SIAH3: variants seen among roughly 807,000 people sequenced by gnomAD.
SIAH3 encodes siah E3 ubiquitin protein ligase family member 3.
In SIAH3, 9 loss-of-function variants were observed where a neutral mutation model predicts 12.6. The observed-to-expected ratio is 0.72, with a 90% CI of 0.43 to 1.25. The LOEUF (loss-of-function observed/expected upper bound fraction) is 1.25, where lower values mean the gene tolerates loss of function less well. SIAH3 is among the 50% of genes most tolerant of loss of function. SIAH3 has a pLI of 0.00. For missense variants in SIAH3, 390 were observed against 365.4 expected (o/e 1.07, Z -0.55); for synonymous variants, 154 against 151.1 (o/e 1.02, Z -0.14).
intron 1 of SIAH3, among the ~76,000 whole-genome samples, chr13:45,821,037 G>T (rs1016088458): frequency 2.6e-5 from 4 of 152,184 alleles, no homozygotes; most frequent in African/African-American, 7.2e-5. Flanking sequence ...CTCCCAAAAA[G>T]ATGTTCAGGC....
At chr13:45,821,558 C>CA (rs899048569) in intron 1 of SIAH3, among the ~76,000 whole-genome samples, 4 of 152,120 alleles carry the variant, frequency 2.6e-5, no homozygotes, top group African/African-American at 9.7e-5. Context: ...AGTATGCCAT[C>CA]AAAAAAATTT....
At chr13:45,829,642 G>A (rs1411215163) in intron 1 of SIAH3, among the ~76,000 whole-genome samples, 2 of 152,112 alleles carry the variant, frequency 1.3e-5, no homozygotes, top group Admixed American at 6.5e-5. Flanking sequence ...ATCATGGAAG[G>A]TTGTCTCATG....
chr13:45,843,910 T>C (rs902528311), intron 1 of SIAH3, among the ~76,000 whole-genome samples: 3 of 152,150 alleles, frequency 2.0e-5, no homozygotes, highest in East Asian at 1.9e-4. Flanking sequence ...ATCCTGAAAG[T>C]TGAATTCCCC....
At chr13:45,807,335 A>T (rs1950601410) in intron 1 of SIAH3, among the ~76,000 whole-genome samples, 1 of 152,088 alleles carries the variant, frequency 6.6e-6, no homozygotes, top group Admixed American at 6.5e-5. Context: ...ATGTGCAATT[A>T]TAGTCAGATT....
chr13:45,850,318 A>G (rs1420911421), intron 1 of SIAH3, among the ~76,000 whole-genome samples: 1 of 152,230 alleles, frequency 6.6e-6, no homozygotes, highest in Non-Finnish European at 1.5e-5. Flanking sequence ...AGCTGAGGAC[A>G]GTCCGGCCGT....
intron 1 of SIAH3, among the ~76,000 whole-genome samples, chr13:45,839,930 TC>T (rs1950734274): frequency 6.6e-6 from 1 of 151,996 alleles, no homozygotes; most frequent in African/African-American, 2.4e-5. Context: ...AATTCTATGA[TC>T]AGGAAGGAGA....
chr13:45,819,331 G>A (rs1283128367), intron 1 of SIAH3, among the ~76,000 whole-genome samples: 1 of 152,176 alleles, frequency 6.6e-6, no homozygotes, highest in Non-Finnish European at 1.5e-5. Flanking sequence ...AGGATGGGAG[G>A]AGCGTTTAAG....
intron 1 of SIAH3, among the ~76,000 whole-genome samples, chr13:45,790,101 C>T (rs1950541241): frequency 6.6e-6 from 1 of 152,144 alleles, no homozygotes; most frequent in African/African-American, 2.4e-5. Flanking sequence ...TGCTCTGATG[C>T]CACTTCTTAA....
At chr13:45,791,379 G>A (rs901386588) in intron 1 of SIAH3, among the ~76,000 whole-genome samples, 1 of 152,156 alleles carries the variant, frequency 6.6e-6, no homozygotes, top group African/African-American at 2.4e-5. Flanking sequence ...CTGCTTGAAT[G>A]AATGAATGAA....
intron 1 of SIAH3, among the ~76,000 whole-genome samples, chr13:45,822,796 G>C (rs1228148141): frequency 6.6e-6 from 1 of 152,004 alleles, no homozygotes; most frequent in Non-Finnish European, 1.5e-5. Flanking sequence ...TCATTGTCCT[G>C]AAACGGAGCT....
intron 1 of SIAH3, among the ~76,000 whole-genome samples, chr13:45,816,424 A>G (rs373692510): frequency 2.0e-5 from 3 of 152,256 alleles, no homozygotes; most frequent in African/African-American, 7.2e-5. Flanking sequence ...CAGGGTGTTT[A>G]TAGCCACTTA....
rs746210514 is a variant in SIAH3, at chr13:45,783,864, G to T, written c.329C>A (p.Pro110His). The T allele has an allele frequency of 1.9e-6, 3 of 1,613,958 alleles. No individual in the cohort carries two copies. The South Asian group carries it at 3.3e-5, about 18-fold the overall frequency. The change falls in exon 2 of 2, where the codon CCC (proline) becomes CAC (histidine). Residue 110 changes from proline (P) to histidine (H), a missense_variant. Transcript: ENST00000400405. Reference protein sequence around the residue: ...NPVTPCLCMCPLFSCQWEGRL... With the variant: ...NPVTPCLCMCHLFSCQWEGRL... ...GCCTTCCCACTGGCAGGAGAACAAG[G>T]GACACATGCACAGGCAGGGCGTCAC...
At chr13:45,846,453 T>C (rs528308407) in intron 1 of SIAH3, among the ~76,000 whole-genome samples, 4 of 152,324 alleles carry the variant, frequency 2.6e-5, no homozygotes, top group Admixed American at 2.6e-4. Context: ...GTTGATTCCT[T>C]CCACAGGACA....
rs1566094811 is a variant in SIAH3 at position 45,826,376 on chromosome 13, A to AG, written c.135+25118_135+25119insC. Reference sequence around the variant, plus strand: ...GGGTGGATGGATGGATGGATGGATGAATGAATGGATGGATGGATGGATGGA... The same window carrying AG: ...GGGTGGATGGATGGATGGATGGATGAGATGAATGGATGGATGGATGGATGGA... On this transcript the variant is annotated intron_variant, in intron 1 of 1. Coordinates refer to ENST00000400405, the MANE Select transcript of SIAH3 (RefSeq NM_198849.3). Among the ~76,000 whole-genome samples the AG allele has an allele frequency of 2.3e-4, 27 of 115,662 alleles. 7 individuals carry two copies. Among genetic ancestry groups the AG allele is most frequent in the African/African-American group, 5.8e-4 (17 of 29,074 alleles). 75.9% of individuals were successfully genotyped at this position (115,662 alleles called of 152,430 possible).
In SIAH3 at chr13:45,822,995, C is replaced by A. The variant is rs142343369; in HGVS notation, c.135+28500G>T. ...CGAGCACTTTAGGAGCTCTTTGAAT[C>A]CCTCCCTCTCCAGACAGAAAGCTTC... On this transcript the variant is annotated intron_variant, in intron 1 of 1. Transcript: ENST00000400405. 1.3e-3 allele frequency among the ~76,000 whole-genome samples: 191 copies of A among 152,180 alleles called. 2 individuals are homozygous for A. The highest frequency in any genetic ancestry group is 4.4e-3 in the African/African-American group (182 of 41,512).
chr13:45,798,991 G>A (rs376263819), intron 1 of SIAH3, among the ~76,000 whole-genome samples: 19 of 152,212 alleles, frequency 1.2e-4, no homozygotes, highest in South Asian at 1.2e-3. Context: ...CCAGCCTCAC[G>A]ACAAGTAGTC....
chr13:45,833,938 G>A (rs9526115), intron 1 of SIAH3, among the ~76,000 whole-genome samples: 71,725 of 151,482 alleles, frequency 0.47, 17,444 homozygotes, highest in Admixed American at 0.61. Context: ...ACTTTTGGCT[G>A]GTCTTCTCAG....
rs2137543832 is a variant in SIAH3, at chr13:45,779,717, A to G, written c.*3666T>C. On this transcript the variant is annotated 3_prime_UTR_variant, in exon 2 of 2. Transcript: ENST00000400405. Reference sequence around the variant, plus strand: ...TTACATGATCTACTATATTCAAAGTACGCAGCCTACTGGATCATATAGAAA... The same window carrying G: ...TTACATGATCTACTATATTCAAAGTGCGCAGCCTACTGGATCATATAGAAA... 1 of 152,358 alleles carries G rather than the reference A, an allele frequency of 6.6e-6. No individual in the cohort carries two copies. Among genetic ancestry groups the G allele is most frequent in the East Asian group, 1.9e-4 (1 of 5,194 alleles). 9.4% of individuals were successfully genotyped at this position (152,358 alleles called of 1,614,324 possible).
intron 1 of SIAH3, among the ~76,000 whole-genome samples, chr13:45,812,278 C>A (rs74073615): frequency 0.011 from 1,666 of 152,260 alleles, 30 homozygotes; most frequent in African/African-American, 0.037. Flanking sequence ...CTCACCTAAA[C>A]CCCAGGAAAG....
Sources: gnomAD v4.1 joint callset for allele counts (sites outside exome capture counted in the v4.1 genomes callset) on GRCh38, gnomAD v4.1.1 for gene constraint, MANE v1.5 for transcripts, NCBI Gene and HGNC (gene_info 2026-07-23, HGNC 2026-07-21) for gene names.